Variants in DPP6 observed in about 807,000 individuals in gnomAD.
DPP6 encodes dipeptidyl peptidase like 6, also known as A-type potassium channel modulatory protein DPP6.
In DPP6, 69 loss-of-function variants were observed where a neutral mutation model predicts 122.6. The ratio of observed to expected loss-of-function variants is 0.56; its 90% CI spans 0.46 to 0.69. DPP6 has a LOEUF of 0.69. Ranked by LOEUF, DPP6 falls within the 30% of genes least tolerant of loss-of-function variation. The pLI, the probability that DPP6 is intolerant of heterozygous loss-of-function variation, is 0.00. For synonymous variants in DPP6, 418 were observed against 433.1 expected, an observed-to-expected ratio of 0.97 and a Z score of 0.43; for missense variants, 928 against 1,116.9, an observed-to-expected ratio of 0.83 and a Z score of 2.41.
chr7:154,807,197 C>A, intron 16 of DPP6, 85 bp downstream of exon 16: 2 of 1,522,624 alleles, frequency 1.3e-6, no homozygotes, highest in Non-Finnish European at 8.8e-7. Flanking sequence ...AGGGAGGGGG[C>A]AGCGGCTGTG....
intron 8 of DPP6, among the ~76,000 whole-genome samples, chr7:154,756,478 G>A (rs1231567996): frequency 1.3e-5 from 2 of 152,202 alleles, no homozygotes; most frequent in Admixed American, 1.3e-4. Flanking sequence ...ACAACCCAAT[G>A]AGGGCAGCCT....
At chr7:154,583,238 G>A (rs1417929598) in intron 5 of DPP6, among the ~76,000 whole-genome samples, 2 of 152,340 alleles carry the variant, frequency 1.3e-5, no homozygotes, top group East Asian at 1.9e-4. Flanking sequence ...TCTGGAGGCT[G>A]GAAGTACAAG....
rs927291712 is a variant in DPP6 at position 154,892,535 on chromosome 7, G to A, written c.*55G>A. The A allele has an allele frequency of 2.5e-6, 4 of 1,604,520 alleles. No homozygotes were observed. The highest frequency in any genetic ancestry group is 3.3e-5 in the Admixed American group (2 of 59,790). On this transcript the variant is annotated 3_prime_UTR_variant, in exon 26 of 26. Transcript: ENST00000377770. ...TCTTTCTACAACCAGATGCAACCGAGGGATTTCCCTGCCCTCCCTCTTCCC... is the reference window on the plus strand; with the variant it reads ...TCTTTCTACAACCAGATGCAACCGAAGGATTTCCCTGCCCTCCCTCTTCCC...
intron 7 of DPP6, among the ~76,000 whole-genome samples, chr7:154,719,054 T>C (rs1034212660): frequency 6.6e-6 from 1 of 152,206 alleles, no homozygotes. Context: ...CTTTCAAAAA[T>C]TCCAGATATT....
At chr7:153,875,010 G>A in the DPP6 span, among the ~76,000 whole-genome samples, 1 of 152,136 alleles carries the variant, frequency 6.6e-6, no homozygotes, top group Non-Finnish European at 1.5e-5. Flanking sequence ...ACAGATATTA[G>A]CTGCTGTATG....
chr7:154,201,284 T>G (rs1024304651), intron 1 of DPP6, among the ~76,000 whole-genome samples: 1 of 152,092 alleles, frequency 6.6e-6, no homozygotes, highest in African/African-American at 2.4e-5. Flanking sequence ...CCTGCCACCA[T>G]GCCCAGCTAA....
chr7:154,093,810 G>A (rs1239503707), intron 1 of DPP6: 1 of 152,208 alleles, frequency 6.6e-6, no homozygotes, highest in Non-Finnish European at 1.5e-5. Context: ...CGGAACCCTG[G>A]GATGAGCCAC....
intron 1 of DPP6, among the ~76,000 whole-genome samples, chr7:153,980,642 G>A (rs1796535959): frequency 6.6e-6 from 1 of 152,130 alleles, no homozygotes. Context: ...TGAAGTTAGG[G>A]TGTCAACCTT....
At chr7:154,716,748 T>TA (rs200742209) in intron 7 of DPP6, among the ~76,000 whole-genome samples, 3,609 of 152,050 alleles carry the variant, frequency 0.024, 78 homozygotes, top group Non-Finnish European at 0.032. Flanking sequence ...ATGCCATTTT[T>TA]AAAATTTTAT....
intron 1 of DPP6, among the ~76,000 whole-genome samples, chr7:153,942,174 T>G (rs1801725319): frequency 6.6e-6 from 1 of 152,242 alleles, no homozygotes; most frequent in Non-Finnish European, 1.5e-5. Flanking sequence ...TATGTACTCA[T>G]TCAATTCACC....
intron 1 of DPP6, among the ~76,000 whole-genome samples, chr7:153,912,933 A>G (rs1800151560): frequency 6.6e-6 from 1 of 152,340 alleles, no homozygotes; most frequent in Admixed American, 6.5e-5. Context: ...AGATGAGTGT[A>G]AACCACTTCA....
intron 7 of DPP6, among the ~76,000 whole-genome samples, chr7:154,694,848 T>C (rs1043348058): frequency 1.3e-5 from 2 of 152,148 alleles, no homozygotes; most frequent in African/African-American, 4.8e-5. Context: ...TTGCTCATGC[T>C]GTTGACAAGG....
intron 1 of DPP6, among the ~76,000 whole-genome samples, chr7:154,343,561 G>A (rs1239131257): frequency 6.6e-6 from 1 of 152,194 alleles, no homozygotes; most frequent in Non-Finnish European, 1.5e-5. Context: ...ATGGCACTCT[G>A]CTTCACTTTT....
rs1009841012 is a variant in DPP6 at position 154,451,534 on chromosome 7, G to A, written c.358+5206G>A. 8.3e-4 allele frequency among the ~76,000 whole-genome samples: 126 copies of A among 152,146 alleles called. 7 individuals carry two copies. On this transcript the variant is annotated intron_variant, in intron 2 of 25. Coordinates refer to ENST00000377770, the MANE Select transcript of DPP6 (RefSeq NM_130797.4). ...TCTTCTCCACGCACAGGGAGTGGCG[G>A]CAGGCCTCCTCCCTCCAGCACAGCA...
At chr7:153,863,236 T>A in the DPP6 span, among the ~76,000 whole-genome samples, 1 of 152,196 alleles carries the variant, frequency 6.6e-6, no homozygotes, top group Non-Finnish European at 1.5e-5. Flanking sequence ...TTTCCAGCTT[T>A]ACCCATGTCC....
chr7:153,956,992 TCTGA>T (rs1354961243), intron 1 of DPP6, among the ~76,000 whole-genome samples: 2 of 152,114 alleles, frequency 1.3e-5, no homozygotes, highest in Admixed American at 1.3e-4. Flanking sequence ...AGTTGTAAAT[TCTGA>T]CTAATAATAA....
intron 1 of DPP6, among the ~76,000 whole-genome samples, chr7:154,034,272 A>G (rs1799406162): frequency 6.6e-6 from 1 of 152,212 alleles, no homozygotes; most frequent in Admixed American, 6.5e-5. Context: ...CTTGACTTAG[A>G]AGATGAAAGA....
intron 1 of DPP6, among the ~76,000 whole-genome samples, chr7:154,238,388 G>A (rs1319894643): frequency 6.6e-6 from 1 of 152,180 alleles, no homozygotes; most frequent in Non-Finnish European, 1.5e-5. Flanking sequence ...AATTCAGAAG[G>A]GGTGTAAAAT....
chr7:154,651,925 CGAT>C (rs1230942801), intron 6 of DPP6, among the ~76,000 whole-genome samples: 1 of 152,108 alleles, frequency 6.6e-6, no homozygotes, highest in African/African-American at 2.4e-5. Context: ...CTGAATAACA[CGAT>C]GATTTCAGGC....
Sources: gnomAD v4.1 joint callset for allele counts (sites outside exome capture counted in the v4.1 genomes callset) on GRCh38, gnomAD v4.1.1 for gene constraint, MANE v1.5 for transcripts, NCBI Gene and HGNC (gene_info 2026-07-23, HGNC 2026-07-21) for gene names.